The following SCUBE1 variants were observed in gnomAD, a reference collection of about 807,000 sequenced individuals.
SCUBE1 encodes signal peptide, CUB domain and EGF like domain containing 1, also known as signal peptide, CUB and EGF-like domain-containing protein 1.
A neutral mutation model predicts 124.4 loss-of-function variants in SCUBE1; 59 were observed. The ratio of observed to expected loss-of-function variants is 0.47; its 90% CI spans 0.38 to 0.59. The LOEUF (loss-of-function observed/expected upper bound fraction) is 0.59. SCUBE1 is among the 20% of genes least tolerant of loss of function. The probability of loss-of-function intolerance (pLI) is 0.00; values close to 1 mark genes in which losing one functional copy is unlikely to be tolerated. For missense variants in SCUBE1, 1,150 were observed against 1,371.2 expected (o/e 0.84, Z 2.55); for synonymous variants, 545 against 550.9 (o/e 0.99, Z 0.15).
At chr22:43,335,617 A>C (rs1481979101) in intron 2 of SCUBE1, among the ~76,000 whole-genome samples, 1 of 152,202 alleles carries the variant, frequency 6.6e-6, no homozygotes, top group Non-Finnish European at 1.5e-5. Flanking sequence ...TCTGGAGACC[A>C]AGGACTATGT....
At chr22:43,327,424 G>A (rs918552468) in intron 2 of SCUBE1, among the ~76,000 whole-genome samples, 3 of 152,184 alleles carry the variant, frequency 2.0e-5, no homozygotes, top group Non-Finnish European at 2.9e-5. Flanking sequence ...ACACTGGAAG[G>A]GCTGAAGACT....
intron 6 of SCUBE1, among the ~76,000 whole-genome samples, chr22:43,251,827 C>G (rs1214553695): frequency 6.6e-6 from 1 of 152,168 alleles, no homozygotes; most frequent in Non-Finnish European, 1.5e-5. Context: ...GCAAGAGGAG[C>G]GGAATGCTCC....
In SCUBE1 at chr22:43,255,709, C is replaced by T. The variant is rs148239107; in HGVS notation, c.727+2510G>A. ...AACACGCCGGCCAGCTCGGCATCCT[C>T]GCCAAGGGGCTAATCCCAGGAACCT... On this transcript the variant is annotated intron_variant, in intron 6 of 21. Coordinates refer to ENST00000360835, the MANE Select transcript of SCUBE1 (RefSeq NM_173050.5). This position sits in a 1 kb window ranked among gnomAD's most constrained non-coding sequence, Gnocchi z 4.7. 7,466 of 748,764 alleles carry T rather than the reference C, an allele frequency of 1.0e-2. 73 individuals are homozygous for T. Among genetic ancestry groups the T allele is most frequent in the Middle Eastern group, 0.018 (69 of 3,840 alleles). 46.4% of individuals were successfully genotyped at this position (748,764 alleles called of 1,614,324 possible).
At chr22:43,326,557 G>C (rs928568659) in intron 2 of SCUBE1, among the ~76,000 whole-genome samples, 1 of 152,128 alleles carries the variant, frequency 6.6e-6, no homozygotes, top group Non-Finnish European at 1.5e-5. Flanking sequence ...CCATCGATCA[G>C]GTTTCCCTTC....
intron 6 of SCUBE1, among the ~76,000 whole-genome samples, chr22:43,253,215 T>G (rs970020090): frequency 6.6e-6 from 1 of 152,234 alleles, no homozygotes; most frequent in Admixed American, 6.5e-5. Flanking sequence ...AGCTACTGGT[T>G]GGGGCCTGAA....
chr22:43,208,289 G>A (rs954230203), intron 19 of SCUBE1, 65 bp from the exon 20 acceptor site: 191 of 1,517,254 alleles, frequency 1.3e-4, no homozygotes, highest in South Asian at 3.3e-4. Context: ...TAGGCCACTC[G>A]CCTCCCATCC....
chr22:43,201,341 G>GAAAACAAAAAAC lies in SCUBE1; in HGVS notation c.*2644_*2655dup, dbSNP rs1921005359. The GAAAACAAAAAAC allele has an allele frequency of 8.4e-6, 1 of 119,020 alleles. No individual in the cohort carries two copies. Among genetic ancestry groups the GAAAACAAAAAAC allele is most frequent in the Non-Finnish European group, 1.9e-5 (1 of 53,532 alleles). 7.4% of individuals were successfully genotyped at this position (119,020 alleles called of 1,614,324 possible). On this transcript the variant is annotated 3_prime_UTR_variant, in exon 22 of 22. Transcript: ENST00000360835. ...AAAAAAAAAAAAGAAAACAAAAAAAGAAAACAAAAAACAAAACAAAAAAAA... is the reference window on the plus strand; with the variant it reads ...AAAAAAAAAAAAGAAAACAAAAAAAGAAAACAAAAAACAAAACAAAAAACAAAACAAAAAAAA...
chr22:43,203,254 G>A lies in SCUBE1; in HGVS notation c.*743C>T, dbSNP rs969641187. On this transcript the variant is annotated 3_prime_UTR_variant, in exon 22 of 22. Transcript: ENST00000360835. Reference sequence around the variant, plus strand: ...GAGGAGCTGTTTAATCGTTCAGGGAGGCTGATAGCTGCTGGGACTCACTGG... The same window carrying A: ...GAGGAGCTGTTTAATCGTTCAGGGAAGCTGATAGCTGCTGGGACTCACTGG... 6.6e-6 allele frequency: 1 copy of A among 152,086 alleles called. No individual in the cohort carries two copies. Among genetic ancestry groups the A allele is most frequent in the African/African-American group, 2.4e-5 (1 of 41,384 alleles). The allele number at this position is 152,086 out of a possible 1,614,324, so 9.4% of individuals were successfully genotyped here. A position where few individuals can be genotyped will look rare whatever the true frequency, so the allele number is the denominator to read the frequency against.
chr22:43,264,005 G>A lies in SCUBE1; in HGVS notation c.485-1160C>T, dbSNP rs146888900. 7.3e-3 allele frequency among the ~76,000 whole-genome samples: 1,114 copies of A among 152,276 alleles called. 14 individuals are homozygous for A. Among genetic ancestry groups the A allele is most frequent in the African/African-American group, 0.025 (1,039 of 41,538 alleles). On this transcript the variant is annotated intron_variant, in intron 4 of 21. Coordinates refer to ENST00000360835, the MANE Select transcript of SCUBE1 (RefSeq NM_173050.5). ...ACACAGATAGTGGCGTGCGGTCAAC[G>A]CTTAACAGCCGGCAGGGGTGGAGGC...
chr22:43,319,668 C>A (rs758579516), intron 3 of SCUBE1, among the ~76,000 whole-genome samples: 4 of 151,752 alleles, frequency 2.6e-5, no homozygotes, highest in East Asian at 1.9e-4. Flanking sequence ...AAGAAGGTAG[C>A]CACCTGCAAG....
chr22:43,319,772 G>T (rs1167332464), intron 3 of SCUBE1, among the ~76,000 whole-genome samples, 165 bp downstream of exon 3: 1 of 152,074 alleles, frequency 6.6e-6, no homozygotes, highest in Non-Finnish European at 1.5e-5. Context: ...ATACACTTCT[G>T]TTGTCTAAGC....
intron 4 of SCUBE1, among the ~76,000 whole-genome samples, chr22:43,286,850 C>A (rs1418896445): frequency 1.3e-5 from 2 of 152,232 alleles, no homozygotes; most frequent in African/African-American, 2.4e-5. Context: ...CTGAGGCCTT[C>A]CAGAACCCTT....
At position 43,223,111 on chromosome 22, in the gene SCUBE1, G is replaced by A; in HGVS notation, c.1313C>T (p.Thr438Ile). ...GCCCGGGTTACCTGGCACGAAGAGT[G>A]TGTGAGCCGGGCAGGAAAGGAAGCA... Reference protein sequence around the residue: ...ESCFLSCPAHTLFVPDSENSY... With the variant: ...ESCFLSCPAHILFVPDSENSY... The change falls in exon 11 of 22, where the codon ACA (threonine) becomes ATA (isoleucine). Residue 438 changes from threonine (T) to isoleucine (I), a missense_variant. Thr to Ile is a moderately conservative substitution (Grantham distance 89). Transcript: ENST00000360835. The A allele has an allele frequency of 6.4e-7, 1 of 1,550,692 alleles. No individual in the cohort carries two copies. Among genetic ancestry groups the A allele is most frequent in the Non-Finnish European group, 8.7e-7 (1 of 1,155,502 alleles).
intron 2 of SCUBE1, among the ~76,000 whole-genome samples, chr22:43,326,328 T>C (rs1321602884): frequency 6.6e-6 from 1 of 152,168 alleles, no homozygotes; most frequent in Non-Finnish European, 1.5e-5. Context: ...CCTCCTTAGA[T>C]CAGGCAACCA....
intron 3 of SCUBE1, among the ~76,000 whole-genome samples, chr22:43,298,912 C>T (rs1389875515): frequency 2.0e-5 from 3 of 151,324 alleles, no homozygotes. Flanking sequence ...ATTAGCCGGG[C>T]ATGGTGGCGG....
chr22:43,244,380 G>A (rs1923123960), intron 6 of SCUBE1, among the ~76,000 whole-genome samples: 1 of 152,236 alleles, frequency 6.6e-6, no homozygotes, highest in Admixed American at 6.5e-5. Flanking sequence ...GCAGGGCAGC[G>A]TCAAGGTGAC....
chr22:43,340,163 C>G (rs370750863), intron 1 of SCUBE1, among the ~76,000 whole-genome samples: 16 of 152,014 alleles, frequency 1.1e-4, no homozygotes, highest in African/African-American at 3.9e-4. Context: ...CGGGATTCAT[C>G]ATCTGGCTTC....
chr22:43,312,552 A>G (rs1222162361), intron 3 of SCUBE1, among the ~76,000 whole-genome samples: 1 of 152,068 alleles, frequency 6.6e-6, no homozygotes, highest in East Asian at 1.9e-4. Context: ...AATGGCCATG[A>G]GAGGAGGGTG....
At chr22:43,226,013 C>T (rs773070805) in intron 10 of SCUBE1, among the ~76,000 whole-genome samples, 23 of 152,220 alleles carry the variant, frequency 1.5e-4, no homozygotes, top group Non-Finnish European at 2.6e-4. Flanking sequence ...GCAAGTCCTT[C>T]CACAAGTACG....
Sources: allele counts gnomAD v4.1 joint callset (sites outside exome capture counted in the v4.1 genomes callset), GRCh38; gene constraint gnomAD v4.1.1; non-coding constraint Gnocchi (gnomAD v3.1); transcripts MANE v1.5; gene names NCBI Gene and HGNC (gene_info 2026-07-23, HGNC 2026-07-21).